Variants in LY75 observed in about 807,000 individuals in gnomAD.
The protein encoded by LY75 is lymphocyte antigen 75, also known as C-type lectin domain family 13 member B.
Under a neutral mutation model 231.7 loss-of-function variants are expected in LY75, and 185 were observed. The observed-to-expected ratio is 0.80, with a 90% confidence interval of 0.71 to 0.90. The LOEUF (loss-of-function observed/expected upper bound fraction) is 0.90, where lower values mean the gene tolerates loss of function less well. Ranked by LOEUF, LY75 falls within the 40% of genes least tolerant of loss-of-function variation. LY75 has a pLI of 0.00. For missense variants in LY75, 1,947 were observed against 2,050.2 expected, an observed-to-expected ratio of 0.95 and a Z score of 0.97; for synonymous variants, 668 against 689.0, an observed-to-expected ratio of 0.97 and a Z score of 0.48.
At chr2:159,842,125 C>A in intron 24 of LY75, 120 bp downstream of exon 24, 3 of 1,248,722 alleles carry the variant, frequency 2.4e-6, no homozygotes, top group Non-Finnish European at 3.2e-6. Context: ...GCATACTACC[C>A]AATAGGTAAT....
At chr2:159,818,233 T>A (rs1683181789) in intron 29 of LY75, among the ~76,000 whole-genome samples, 1 of 151,914 alleles carries the variant, frequency 6.6e-6, no homozygotes, top group African/African-American at 2.4e-5. Flanking sequence ...AAGAAGACAG[T>A]ATGGAAAGGA....
intron 1 of LY75, 40 bp downstream of exon 1, chr2:159,904,549 G>A: frequency 1.3e-6 from 2 of 1,496,522 alleles, no homozygotes; most frequent in Non-Finnish European, 1.8e-6. Flanking sequence ...GTGGCGTCGA[G>A]GCACCCAGCG....
chr2:159,831,420 G>T (rs908933129), intron 28 of LY75, among the ~76,000 whole-genome samples: 2 of 152,112 alleles, frequency 1.3e-5, no homozygotes, highest in Non-Finnish European at 2.9e-5. Context: ...ACCCAGGTTC[G>T]GGTAGTTCTT....
Position 159,853,698 on chromosome 2 carries a change from C to T in LY75, c.2596-1G>A. 1 of 1,613,452 alleles carries T rather than the reference C, an allele frequency of 6.2e-7. No homozygotes were observed. The highest frequency in any genetic ancestry group is 1.1e-5 in the South Asian group (1 of 91,074). ...ACCACTTCTGTCCATCACCAGATAT[C>T]TGAAAAACAAGCCAAACATCCATCC... On this transcript the variant is annotated splice_acceptor_variant, in intron 18 of 34. Coordinates refer to ENST00000263636, the MANE Select transcript of LY75 (RefSeq NM_002349.4). LOFTEE classifies it high-confidence loss of function.
chr2:159,862,291 CA>C lies in LY75; in HGVS notation c.2200-1403del, dbSNP rs71000315. On this transcript the variant is annotated intron_variant, in intron 14 of 34. Transcript: ENST00000263636. The stretch of plus-strand genomic sequence containing the variant: ...TGGGCGACAGAGTGAGACTACGTCT[CA>C]AAAAAAAAAAAAAAAAATTAGCCGG... 2.5e-3 allele frequency among the ~76,000 whole-genome samples: 309 copies of C among 123,354 alleles called. 1 individual carries two copies. Among genetic ancestry groups the C allele is most frequent in the African/African-American group, 9.2e-3 (283 of 30,850 alleles). 80.9% of individuals were successfully genotyped at this position (123,354 alleles called of 152,430 possible).
Position 159,805,138 on chromosome 2 carries a change from T to A in LY75, c.5075A>T (p.Gln1692Leu), listed in dbSNP as rs1444185791. 1 of 1,614,180 alleles carries A rather than the reference T, an allele frequency of 6.2e-7. No homozygotes were observed. Among genetic ancestry groups the A allele is most frequent in the Non-Finnish European group, 8.5e-7 (1 of 1,180,008 alleles). ...ACCCGCCAGGTGCAAACGGTGCCTTTGGAAGAGGAACCAAATCAGTCCGCC... is the reference window on the plus strand; with the variant it reads ...ACCCGCCAGGTGCAAACGGTGCCTTAGGAAGAGGAACCAAATCAGTCCGCC... ...LMGGLIWFLF[Q>L]RHRLHLAGFS... Residue 1692 changes from glutamine to leucine, a missense_variant, in exon 35 of 35, where the codon CAA (glutamine) becomes CTA (leucine). Gln to Leu is a moderately radical substitution (Grantham distance 113). Transcript: ENST00000263636.
intron 7 of LY75, 116 bp downstream of exon 7, chr2:159,882,007 TG>T: frequency 8.0e-7 from 1 of 1,249,512 alleles, no homozygotes; most frequent in Non-Finnish European, 1.1e-6. Context: ...CAATCCTATC[TG>T]ACAGGGCTGA....
rs1686191279 is a variant in LY75, at chr2:159,904,754, C to G, written c.-72G>C. On this transcript the variant is annotated 5_prime_UTR_variant, in exon 1 of 35. Coordinates refer to ENST00000263636, the MANE Select transcript of LY75 (RefSeq NM_002349.4). ...CTCCCGCCCCGCCTGCTGAGCGCGG[C>G]CTGCCCCGCCCGCACCTCTGTCTAG... 1 of 1,318,136 alleles carries G rather than the reference C, an allele frequency of 7.6e-7. No individual in the cohort carries two copies. Among genetic ancestry groups the G allele is most frequent in the South Asian group, 1.8e-5 (1 of 55,290 alleles). 81.7% of individuals were successfully genotyped at this position (1,318,136 alleles called of 1,614,324 possible). A position where few individuals can be genotyped will look rare whatever the true frequency, so the allele number is the denominator to read the frequency against.
intron 27 of LY75, among the ~76,000 whole-genome samples, chr2:159,832,887 T>A (rs1465758153): frequency 6.6e-6 from 1 of 152,210 alleles, no homozygotes; most frequent in Admixed American, 6.5e-5. Context: ...AGTTCATTGT[T>A]CCATTGGTTC....
At position 159,805,107 on chromosome 2, in the gene LY75, T is replaced by A. The variant is rs145158291; in HGVS notation, c.5106A>T (p.Ser1702=). ...QRHRLHLAGF[S]SVRYAQGVNE... ...TCACTCCTTGTGCATATCGAACTGA[T>A]GAGAAACCCGCCAGGTGCAAACGGT... The change falls in exon 35 of 35, where the codon TCA becomes TCT. Residue 1702 remains serine (S), a synonymous_variant. Transcript: ENST00000263636. The A allele has an allele frequency of 7.5e-6, 12 of 1,610,402 alleles. No homozygotes were observed. The highest frequency in any genetic ancestry group is 2.2e-5 in the East Asian group (1 of 44,790).
At chr2:159,860,707 A>C (rs1185805093) in intron 15 of LY75, 114 bp downstream of exon 15, 1 of 1,261,722 alleles carries the variant, frequency 7.9e-7, no homozygotes, top group Non-Finnish European at 1.1e-6. Context: ...CTTATCTCTC[A>C]CTGCATCTAA....
rs1219709915 is a variant in LY75, at chr2:159,882,248, C to A, written c.1122G>T (p.Leu374=). Reference sequence around the variant, plus strand: ...CCCAGGAATTACTTTCATTTACCAGCAGATAGCAAAATCCATTATTTGGCA... The same window carrying A: ...CCCAGGAATTACTTTCATTTACCAGAAGATAGCAAAATCCATTATTTGGCA... ...GWLPNNGFCY[L]LVNESNSWDK... Residue 374 remains leucine, a synonymous_variant, in exon 7 of 35, where the codon CTG becomes CTT. Coordinates refer to ENST00000263636, the MANE Select transcript of LY75 (RefSeq NM_002349.4). 6.2e-7 allele frequency: 1 copy of A among 1,614,042 alleles called. No individual in the cohort carries two copies. Among genetic ancestry groups the A allele is most frequent in the Non-Finnish European group, 8.5e-7 (1 of 1,179,948 alleles).
chr2:159,861,202 ATTAT>A (rs1028289620), intron 14 of LY75, among the ~76,000 whole-genome samples: 1 of 152,146 alleles, frequency 6.6e-6, no homozygotes, highest in African/African-American at 2.4e-5. Context: ...TGAAATGCTC[ATTAT>A]TTGATTAACT....
intron 31 of LY75, among the ~76,000 whole-genome samples, chr2:159,815,044 A>G (rs992792310): frequency 3.1e-5 from 4 of 130,158 alleles, no homozygotes; most frequent in African/African-American, 1.2e-4. Context: ...TCTGTCTCCC[A>G]GGCTGGACTG....
intron 2 of LY75, among the ~76,000 whole-genome samples, chr2:159,898,354 T>C (rs1293851672): frequency 8.4e-6 from 1 of 119,128 alleles, no homozygotes; most frequent in African/African-American, 2.8e-5. Context: ...ACAAATCTAA[T>C]GATTCCTTTC....
chr2:159,848,066 GTGT>G (rs1684256756), intron 23 of LY75, among the ~76,000 whole-genome samples: 1 of 32,298 alleles, frequency 3.1e-5, no homozygotes. Flanking sequence ...AAATTATGGT[GTGT>G]ATATATATAT....
chr2:159,880,786 A>G (rs1685411574), intron 8 of LY75, among the ~76,000 whole-genome samples: 1 of 152,090 alleles, frequency 6.6e-6, no homozygotes. Flanking sequence ...AGGAAGTGCA[A>G]CCTAGATCCC....
chr2:159,808,004 C>G (rs920093645), intron 33 of LY75: 1 of 932,226 alleles, frequency 1.1e-6, no homozygotes, highest in South Asian at 5.0e-5. Flanking sequence ...ATAATTTTAA[C>G]CAGTGGTAAA....
chr2:159,866,101 T>C (rs1005230023), intron 13 of LY75, among the ~76,000 whole-genome samples: 4 of 152,178 alleles, frequency 2.6e-5, no homozygotes, highest in Non-Finnish European at 4.4e-5. Context: ...GTAATATGCC[T>C]GTAAGTGTAA....
Sources: gnomAD v4.1 joint callset for allele counts (sites outside exome capture counted in the v4.1 genomes callset) on GRCh38, gnomAD v4.1.1 for gene constraint, MANE v1.5 for transcripts, NCBI Gene and HGNC (gene_info 2026-07-23, HGNC 2026-07-21) for gene names.